Variants in CNTNAP5 observed in about 807,000 individuals in gnomAD.
CNTNAP5 encodes the protein contactin-associated protein-like 5.
In CNTNAP5, 72 loss-of-function variants were observed where a neutral mutation model predicts 150.2. The observed-to-expected ratio is 0.48, with a 90% confidence interval of 0.40 to 0.58. The LOEUF is 0.58. Among genes scored for constraint, CNTNAP5 ranks in the 20% least tolerant of loss-of-function variants. The probability of loss-of-function intolerance (pLI) is 0.00; values close to 1 mark genes in which losing one functional copy is unlikely to be tolerated. For synonymous variants in CNTNAP5, 672 were observed against 619.8 expected, an observed-to-expected ratio of 1.08 and a Z score of -1.25; for missense variants, 1,636 against 1,626.2, an observed-to-expected ratio of 1.01 and a Z score of -0.10.
At chr2:124,841,119 A>G (rs1682936684) in intron 19 of CNTNAP5, among the ~76,000 whole-genome samples, 1 of 151,690 alleles carries the variant, frequency 6.6e-6, no homozygotes, top group Non-Finnish European at 1.5e-5. Context: ...CACCTACCCC[A>G]CTCCCTGGAA....
rs185766631 is a variant in CNTNAP5, at chr2:124,657,159, C to G, written c.2077+9201C>G. Among the ~76,000 whole-genome samples the G allele has an allele frequency of 4.6e-5, 7 of 152,310 alleles. No homozygotes were observed. In the East Asian group the frequency reaches 1.2e-3, roughly 25 times the overall value. On this transcript the variant is annotated intron_variant, in intron 13 of 23. Coordinates refer to ENST00000682447, the MANE Select transcript of CNTNAP5 (RefSeq NM_001367498.1). The stretch of plus-strand genomic sequence containing the variant: ...CCATTCAAAGAGTTCAGTTGTGGAG[C>G]TTGCCTCTTCATAGCTTGGGGGCAC...
At chr2:124,367,556 G>T (rs1200029369) in intron 3 of CNTNAP5, among the ~76,000 whole-genome samples, 1 of 152,120 alleles carries the variant, frequency 6.6e-6, no homozygotes, top group African/African-American at 2.4e-5. Context: ...TTTGGGTGGG[G>T]ACACAGCCAA....
At chr2:124,500,481 G>A (rs140437649) in intron 7 of CNTNAP5, among the ~76,000 whole-genome samples, 8 of 152,226 alleles carry the variant, frequency 5.3e-5, no homozygotes, top group Admixed American at 1.3e-4. Flanking sequence ...TGCTAAACTA[G>A]CCCAACAGGA....
At chr2:124,417,332 C>T (rs970881283) in intron 3 of CNTNAP5, 111 bp from the exon 4 acceptor site, 18 of 1,032,254 alleles carry the variant, frequency 1.7e-5, no homozygotes, top group South Asian at 1.2e-4. Flanking sequence ...AATTGAAATA[C>T]GTGAGAAATT....
At chr2:124,681,086 A>C (rs1679057058) in intron 13 of CNTNAP5, among the ~76,000 whole-genome samples, 1 of 151,196 alleles carries the variant, frequency 6.6e-6, no homozygotes, top group South Asian at 2.1e-4. Context: ...GGAGTTTGAG[A>C]CCAGCCTGGC....
intron 1 of CNTNAP5, among the ~76,000 whole-genome samples, chr2:124,113,334 T>A (rs183195109): frequency 6.6e-6 from 1 of 152,262 alleles, no homozygotes; most frequent in East Asian, 1.9e-4. Context: ...AGGTGTTATA[T>A]GTCTCACTCA....
intron 11 of CNTNAP5, among the ~76,000 whole-genome samples, chr2:124,606,446 G>A (rs1225890958): frequency 1.3e-5 from 2 of 151,970 alleles, no homozygotes; most frequent in Admixed American, 1.3e-4. Context: ...AACTAAGAAT[G>A]AAAAGTTATT....
At chr2:124,434,297 C>G (rs760670373) in intron 4 of CNTNAP5, among the ~76,000 whole-genome samples, 187 bp from the exon 5 acceptor site, 9 of 152,164 alleles carry the variant, frequency 5.9e-5, no homozygotes, top group Non-Finnish European at 1.2e-4. Flanking sequence ...GTGGTGATTG[C>G]TTGTAAACGA....
intron 12 of CNTNAP5, among the ~76,000 whole-genome samples, chr2:124,622,936 G>T (rs1677648406): frequency 6.6e-6 from 1 of 152,150 alleles, no homozygotes; most frequent in South Asian, 2.1e-4. Context: ...AGTACAACAT[G>T]CATTATGATG....
At chr2:124,174,271 C>A (rs1685009741) in intron 1 of CNTNAP5, among the ~76,000 whole-genome samples, 1 of 152,176 alleles carries the variant, frequency 6.6e-6, no homozygotes, top group Non-Finnish European at 1.5e-5. Context: ...GTAATTTTGA[C>A]TTTCAAGTCT....
At position 124,331,825 on chromosome 2, in the gene CNTNAP5, C is replaced by T. The variant is rs1278801675; in HGVS notation, c.382-85618C>T. ...GCTCACAGAATGTGTCTCTCTCACT[C>T]ATCCTCTTTTTGTAATTCACTCAAA... On this transcript the variant is annotated intron_variant, in intron 3 of 23. Transcript: ENST00000682447. Among the ~76,000 whole-genome samples the T allele has an allele frequency of 6.6e-5, 10 of 152,074 alleles. No individual in the cohort carries two copies. In the East Asian group the frequency reaches 1.9e-3, roughly 29 times the overall value.
At chr2:124,480,675 G>C (rs1693742550) in intron 7 of CNTNAP5, among the ~76,000 whole-genome samples, 1 of 152,166 alleles carries the variant, frequency 6.6e-6, no homozygotes, top group Non-Finnish European at 1.5e-5. Context: ...TCATCTCTGT[G>C]AGTATGCTCT....
At chr2:124,413,912 A>AAT (rs576936711) in intron 3 of CNTNAP5, among the ~76,000 whole-genome samples, 65 of 151,576 alleles carry the variant, frequency 4.3e-4, no homozygotes, top group African/African-American at 1.5e-3. Flanking sequence ...TTAAAAAAAA[A>AAT]GAACTTCGGA....
Position 124,422,294 on chromosome 2 carries a change from G to A in CNTNAP5, c.529+4704G>A, listed in dbSNP as rs114900490. Among the ~76,000 whole-genome samples the A allele has an allele frequency of 1.9e-3, 285 of 152,226 alleles. 2 individuals are homozygous for A. The highest frequency in any genetic ancestry group is 6.4e-3 in the African/African-American group (267 of 41,532). The stretch of plus-strand genomic sequence containing the variant: ...TTCTTACAGCTCTATAGTTTCTTCA[G>A]ACTTAACTCTCTACATTTTGGAAAT... On this transcript the variant is annotated intron_variant, in intron 4 of 23. Transcript: ENST00000682447.
rs538876333 is a variant in CNTNAP5, at chr2:124,259,811, G to A, written c.381+17418G>A. On this transcript the variant is annotated intron_variant, in intron 3 of 23. Coordinates refer to ENST00000682447, the MANE Select transcript of CNTNAP5 (RefSeq NM_001367498.1). The stretch of plus-strand genomic sequence containing the variant: ...ATACCTAGGAATCCAACTTGCAAGG[G>A]ATGTGAAGGACCTCTTCAAGGAGAA... 2.0e-5 allele frequency among the ~76,000 whole-genome samples: 3 copies of A among 152,250 alleles called. No homozygotes were observed. The East Asian group carries it at 5.8e-4, about 29-fold the overall frequency.
At chr2:124,494,265 C>T (rs72968706) in intron 7 of CNTNAP5, among the ~76,000 whole-genome samples, 19,400 of 151,870 alleles carry the variant, frequency 0.13, 2,045 homozygotes, top group African/African-American at 0.27. Context: ...AACTCTCAGG[C>T]TGAGGCCAAA....
chr2:124,188,448 A>G (rs977360699), intron 1 of CNTNAP5, among the ~76,000 whole-genome samples: 4 of 152,216 alleles, frequency 2.6e-5, no homozygotes, highest in Middle Eastern at 6.8e-3. Flanking sequence ...GGCCGGGCGC[A>G]GTGGCTCATG....
intron 1 of CNTNAP5, among the ~76,000 whole-genome samples, chr2:124,109,097 C>T (rs116399105): frequency 0.022 from 3,324 of 152,260 alleles, 52 homozygotes; most frequent in Middle Eastern, 0.044. Context: ...CTTCCTGAGC[C>T]GGCAGCCAGT....
chr2:124,157,456 T>A (rs1684572790), intron 1 of CNTNAP5, among the ~76,000 whole-genome samples: 1 of 152,214 alleles, frequency 6.6e-6, no homozygotes, highest in African/African-American at 2.4e-5. Flanking sequence ...CTTTTCGGTT[T>A]CCTAGTTTTC....
Sources: allele counts gnomAD v4.1 joint callset (sites outside exome capture counted in the v4.1 genomes callset), GRCh38; gene constraint gnomAD v4.1.1; transcripts MANE v1.5; gene names NCBI Gene and HGNC (gene_info 2026-07-23, HGNC 2026-07-21).